The following TPX2 variants were observed in gnomAD, a reference collection of about 807,000 sequenced individuals.
TPX2 encodes TPX2 microtubule nucleation factor.
A neutral mutation model predicts 93.6 loss-of-function variants in TPX2; 21 were observed. The ratio of observed to expected loss-of-function variants is 0.22; its 90% CI spans 0.16 to 0.32. The LOEUF (loss-of-function observed/expected upper bound fraction) is 0.32. Ranked by LOEUF, TPX2 falls within the 10% of genes least tolerant of loss-of-function variation. The pLI, the probability that TPX2 is intolerant of heterozygous loss-of-function variation, is 1.00. For missense variants in TPX2, 776 were observed against 871.1 expected (o/e 0.89, Z 1.37); for synonymous variants, 281 against 298.3 (o/e 0.94, Z 0.60).
chr20:31,785,358 T>G (rs2062059360), intron 12 of TPX2, among the ~76,000 whole-genome samples: 1 of 152,216 alleles, frequency 6.6e-6, no homozygotes, highest in Non-Finnish European at 1.5e-5. Flanking sequence ...AAAAGTAGGT[T>G]ATATGCAAAC....
intron 2 of TPX2, among the ~76,000 whole-genome samples, chr20:31,748,579 G>C (rs1444742495): frequency 6.6e-6 from 1 of 152,148 alleles, no homozygotes; most frequent in Admixed American, 6.6e-5. Context: ...TGTCTTTGTT[G>C]AACAGGATCT....
intron 12 of TPX2, among the ~76,000 whole-genome samples, chr20:31,789,622 CA>C (rs970953458): frequency 6.6e-6 from 1 of 150,462 alleles, no homozygotes; most frequent in Non-Finnish European, 1.5e-5. Flanking sequence ...CAAAAAAAAA[CA>C]AAAAAAAACT....
chr20:31,752,947 T>C lies in TPX2; in HGVS notation c.-70-4460T>C, dbSNP rs561311332. Among the ~76,000 whole-genome samples the C allele has an allele frequency of 4.6e-5, 7 of 152,120 alleles. No individual in the cohort carries two copies. The East Asian group carries it at 5.8e-4, about 13-fold the overall frequency. On this transcript the variant is annotated intron_variant, in intron 2 of 17. Coordinates refer to ENST00000300403, the MANE Select transcript of TPX2 (RefSeq NM_012112.5). The stretch of plus-strand genomic sequence containing the variant: ...CTACTTTTTGTGTGAAGATATAGAG[T>C]GTCATCCTTGAATGTTACTGAGAAA...
intron 10 of TPX2, among the ~76,000 whole-genome samples, chr20:31,781,253 C>CTTTTTTTTTTTTTTTT (rs1007150417): frequency 8.6e-6 from 1 of 116,774 alleles, no homozygotes; most frequent in African/African-American, 3.6e-5. Flanking sequence ...GGCCTTATAT[C>CTTTTTTTTTTTTTTTT]TTTTTTTTTT....
intron 10 of TPX2, among the ~76,000 whole-genome samples, chr20:31,781,597 C>G (rs1430034026): frequency 6.6e-6 from 1 of 151,436 alleles, no homozygotes; most frequent in Non-Finnish European, 1.5e-5. Flanking sequence ...CTGGAATAAG[C>G]AAAAATTTTT....
intron 12 of TPX2, among the ~76,000 whole-genome samples, chr20:31,791,337 G>A (rs2062099796): frequency 6.6e-6 from 1 of 152,172 alleles, no homozygotes; most frequent in South Asian, 2.1e-4. Context: ...AGGCTGGAGT[G>A]CAGTGGTGCG....
At chr20:31,778,773 C>A in intron 9 of TPX2, 40 bp from the exon 10 acceptor site, 2 of 1,513,048 alleles carry the variant, frequency 1.3e-6, no homozygotes. Flanking sequence ...GTGAGCTCTT[C>A]CGTGACATTT....
intron 4 of TPX2, among the ~76,000 whole-genome samples, chr20:31,765,264 C>T (rs1344277961): frequency 6.7e-6 from 1 of 149,558 alleles, no homozygotes; most frequent in African/African-American, 2.5e-5. Context: ...TTGAGACCAG[C>T]CTGGGCAATA....
intron 7 of TPX2, 62 bp from the exon 8 acceptor site, chr20:31,775,805 C>G (rs1052015063): frequency 2.2e-6 from 3 of 1,393,686 alleles, no homozygotes; most frequent in Non-Finnish European, 2.8e-6. Context: ...CCTGTAGATT[C>G]TTTTGAGTCA....
intron 5 of TPX2, among the ~76,000 whole-genome samples, chr20:31,767,736 T>C (rs2061936985): frequency 6.6e-6 from 1 of 152,074 alleles, no homozygotes; most frequent in African/African-American, 2.4e-5. Context: ...GTATTTCTTG[T>C]ACAGACAAGG....
At position 31,798,396 on chromosome 20, in the gene TPX2, T is replaced by C; in HGVS notation, c.1977T>C (p.Pro659=). 1 of 1,613,944 alleles carries C rather than the reference T, an allele frequency of 6.2e-7. No individual in the cohort carries two copies. Among genetic ancestry groups the C allele is most frequent in the Non-Finnish European group, 8.5e-7 (1 of 1,179,944 alleles). ...EGLSGSLVQE[P]FQLATEKRAK... Reference sequence around the variant, plus strand: ...TTTCTGGTTCTCTAGTTCAGGAACCTTTTCAGCTGGCTACTGAGAAGAGAG... The same window carrying C: ...TTTCTGGTTCTCTAGTTCAGGAACCCTTTCAGCTGGCTACTGAGAAGAGAG... Residue 659 remains proline, a synonymous_variant, in exon 17 of 18, where the codon CCT becomes CCC. Transcript: ENST00000300403.
At chr20:31,743,917 C>T (rs1406720856) in intron 2 of TPX2, among the ~76,000 whole-genome samples, 2 of 151,486 alleles carry the variant, frequency 1.3e-5, no homozygotes, top group African/African-American at 4.8e-5. Context: ...GATGGGGTTT[C>T]TCCATGTTGG....
At chr20:31,766,461 G>GTGTGTGTGTGTGTGTA in intron 4 of TPX2, 95 bp from the exon 5 acceptor site, 8 of 1,013,078 alleles carry the variant, frequency 7.9e-6, no homozygotes, top group Non-Finnish European at 1.0e-5. Context: ...CAGGGTGTGT[G>GTGTGTGTGTGTGTGTA]TGTGTGTGTG....
rs1455193319 is a variant in TPX2 at position 31,782,244 on chromosome 20, T to A, written c.1055-5T>A. The A allele has an allele frequency of 6.2e-7, 1 of 1,606,556 alleles. No homozygotes were observed. The highest frequency in any genetic ancestry group is 8.5e-7 in the Non-Finnish European group (1 of 1,177,174). On this transcript the variant is annotated splice_region_variant and splice_polypyrimidine_tract_variant and intron_variant, in intron 10 of 17. Coordinates refer to ENST00000300403, the MANE Select transcript of TPX2 (RefSeq NM_012112.5). Reference sequence around the variant, plus strand: ...TAGATGAACATCTGTCATCTCTGTTTACAGACCTGTTACCCTCCAAATCTT... The same window carrying A: ...TAGATGAACATCTGTCATCTCTGTTAACAGACCTGTTACCCTCCAAATCTT...
At chr20:31,797,171 A>G (rs1048304920) in intron 15 of TPX2, among the ~76,000 whole-genome samples, 1 of 152,236 alleles carries the variant, frequency 6.6e-6, no homozygotes, top group Non-Finnish European at 1.5e-5. Context: ...TCGAAAATGC[A>G]AACTTGGGAA....
intron 5 of TPX2, among the ~76,000 whole-genome samples, chr20:31,769,812 T>C (rs1394602672): frequency 6.6e-6 from 1 of 152,140 alleles, no homozygotes; most frequent in Non-Finnish European, 1.5e-5. Flanking sequence ...GATTTATTTA[T>C]TTTTAGACAG....
intron 17 of TPX2, among the ~76,000 whole-genome samples, chr20:31,800,181 A>C (rs1229608232): frequency 2.0e-5 from 3 of 152,202 alleles, no homozygotes; most frequent in Admixed American, 6.5e-5. Context: ...CCACGGACAC[A>C]CTATTTAGGA....
intron 12 of TPX2, among the ~76,000 whole-genome samples, chr20:31,787,365 C>T (rs1388992296): frequency 6.6e-6 from 1 of 151,428 alleles, no homozygotes; most frequent in Non-Finnish European, 1.5e-5. Context: ...CTAAAATTTC[C>T]AGTGATTTGA....
chr20:31,764,180 A>G (rs1464158702), intron 4 of TPX2, among the ~76,000 whole-genome samples: 2 of 151,638 alleles, frequency 1.3e-5, no homozygotes, highest in Non-Finnish European at 1.5e-5. Flanking sequence ...GTATATGTAT[A>G]TATTTTTGAG....
Sources: gnomAD v4.1 joint callset for allele counts (sites outside exome capture counted in the v4.1 genomes callset) on GRCh38, gnomAD v4.1.1 for gene constraint, MANE v1.5 for transcripts, NCBI Gene and HGNC (gene_info 2026-07-23, HGNC 2026-07-21) for gene names.